Variants in SMG6 observed in about 807,000 individuals in gnomAD.
The protein encoded by SMG6 is telomerase-binding protein EST1A.
A neutral mutation model predicts 142.2 loss-of-function variants in SMG6; 66 were observed. That is an observed-to-expected ratio of 0.46 (90% CI 0.38 to 0.57). SMG6 has a LOEUF of 0.57. Among genes scored for constraint, SMG6 ranks in the 20% least tolerant of loss-of-function variants. The probability of loss-of-function intolerance (pLI) is 0.00; values close to 1 mark genes in which losing one functional copy is unlikely to be tolerated. For synonymous variants in SMG6, 779 were observed against 702.4 expected (o/e 1.11, Z -1.72); for missense variants, 1,793 against 1,832.0 (o/e 0.98, Z 0.39).
rs761629610 is a variant in SMG6 at position 2,299,987 on chromosome 17, T to G, written c.766A>C (p.Thr256Pro). The change falls in exon 2 of 19, where the codon ACG (threonine) becomes CCG (proline). Residue 256 changes from threonine (T) to proline (P), a missense_variant. Physicochemically the swap from Thr to Pro is conservative, Grantham distance 38. This residue lies in a region of SMG6 where 1,597 missense variants were observed against 1,584.6 expected (regional missense o/e 1.01). Transcript: ENST00000263073. This position sits in a 1 kb window ranked among gnomAD's most constrained non-coding sequence, Gnocchi z 4.3. ...CTGCCAGCTGAGCTGGTGCTGCGCG[T>G]GCGGTAGCGATTCCTTCGTTTGTCT... Reference protein sequence around the residue: ...RSDKRRNRYRTRSTSSAGSNN... With the variant: ...RSDKRRNRYRPRSTSSAGSNN... The G allele has an allele frequency of 1.2e-6, 2 of 1,613,988 alleles. No individual in the cohort carries two copies. The highest frequency in any genetic ancestry group is 1.7e-6 in the Non-Finnish European group (2 of 1,180,020).
chr17:2,093,519 T>C (rs2068779261), intron 13 of SMG6, among the ~76,000 whole-genome samples: 1 of 152,156 alleles, frequency 6.6e-6, no homozygotes, highest in Non-Finnish European at 1.5e-5. Flanking sequence ...GGCATTTTTT[T>C]TTCCTCTTAT....
intron 15 of SMG6, among the ~76,000 whole-genome samples, chr17:2,070,380 G>A (rs145258485): frequency 7.3e-4 from 111 of 152,234 alleles, no homozygotes; most frequent in Middle Eastern, 6.8e-3. Context: ...CAAACCTGGC[G>A]GGGCCAGGAG....
chr17:2,238,065 G>T (rs2073711030), intron 9 of SMG6, among the ~76,000 whole-genome samples: 1 of 152,150 alleles, frequency 6.6e-6, no homozygotes, highest in South Asian at 2.1e-4. Flanking sequence ...GGTGCTTCTA[G>T]CTTCACCCAT....
chr17:2,089,184 C>T (rs900884498), intron 13 of SMG6, among the ~76,000 whole-genome samples: 1 of 152,206 alleles, frequency 6.6e-6, no homozygotes, highest in Non-Finnish European at 1.5e-5. Context: ...TTTTTCCACT[C>T]TATATCAATG....
In SMG6 at chr17:2,292,829, G is replaced by A. The variant is rs773555707; in HGVS notation, c.2258+42C>T. On this transcript the variant is annotated intron_variant, in intron 5 of 18. Transcript: ENST00000263073. The stretch of plus-strand genomic sequence containing the variant: ...TGCTCTTAGTAAGGCTTAGCTTAGA[G>A]CCACATAGGGAAGAGAAATAACGAA... 3.8e-6 allele frequency: 6 copies of A among 1,559,566 alleles called. No individual in the cohort carries two copies. In the South Asian group the frequency reaches 6.7e-5, roughly 17 times the overall value.
At chr17:2,216,908 T>A (rs1438954648) in intron 10 of SMG6, among the ~76,000 whole-genome samples, 2 of 151,572 alleles carry the variant, frequency 1.3e-5, no homozygotes, top group Non-Finnish European at 2.9e-5. Context: ...TGTCAAAATG[T>A]CAAAAAAAAA....
intron 13 of SMG6, among the ~76,000 whole-genome samples, chr17:2,159,558 G>A (rs558616317): frequency 6.6e-6 from 1 of 152,118 alleles, no homozygotes; most frequent in Non-Finnish European, 1.5e-5. Flanking sequence ...CAACTAGAAC[G>A]CTCACATATT....
chr17:2,206,474 G>A (rs1249476256), intron 10 of SMG6, among the ~76,000 whole-genome samples: 3 of 151,990 alleles, frequency 2.0e-5, no homozygotes, highest in Admixed American at 6.6e-5. Context: ...AGCTACTCAC[G>A]AGGCTGAGGT....
intron 15 of SMG6, among the ~76,000 whole-genome samples, chr17:2,081,138 C>T (rs116948701): frequency 3.9e-5 from 6 of 152,242 alleles, no homozygotes; most frequent in South Asian, 2.1e-4. Flanking sequence ...CCTATGCACA[C>T]GGTTCACCTT....
intron 10 of SMG6, among the ~76,000 whole-genome samples, chr17:2,210,286 C>CT (rs772849830): frequency 0.018 from 2,408 of 137,266 alleles, 56 homozygotes; most frequent in African/African-American, 0.051. Flanking sequence ...CTTTTCTTTT[C>CT]TTTTTTTTTT....
chr17:2,300,785 C>G, intron 1 of SMG6, 121 bp from the exon 2 acceptor site: 2 of 867,424 alleles, frequency 2.3e-6, no homozygotes, highest in Non-Finnish European at 3.4e-6. Context: ...AATTACATAT[C>G]CAAATGCTAA....
At chr17:2,132,877 G>A (rs2070169258) in intron 13 of SMG6, among the ~76,000 whole-genome samples, 1 of 152,186 alleles carries the variant, frequency 6.6e-6, no homozygotes, top group Non-Finnish European at 1.5e-5. Context: ...CGACCTCCCA[G>A]GCTCAAGCAA....
intron 13 of SMG6, among the ~76,000 whole-genome samples, chr17:2,138,011 C>T (rs755004390): frequency 1.3e-5 from 2 of 152,172 alleles, no homozygotes; most frequent in South Asian, 2.1e-4. Context: ...AGCTCACAAT[C>T]GAATTGTCCA....
intron 13 of SMG6, among the ~76,000 whole-genome samples, chr17:2,094,519 G>A (rs547569260): frequency 1.4e-4 from 22 of 152,276 alleles, no homozygotes; most frequent in African/African-American, 4.8e-4. Flanking sequence ...GATTACAGGC[G>A]TGAGCCACTT....
chr17:2,266,133 C>T (rs2074418662), intron 8 of SMG6: 22 of 985,302 alleles, frequency 2.2e-5, no homozygotes, highest in Non-Finnish European at 2.4e-5. Context: ...ACAATTATTG[C>T]TGTTAACATC....
chr17:2,297,167 T>A, intron 4 of SMG6, 76 bp downstream of exon 4: 3 of 1,020,238 alleles, frequency 2.9e-6, no homozygotes, highest in Non-Finnish European at 4.4e-6. Flanking sequence ...CAGTACAGTG[T>A]CTAGCACATA....
chr17:2,100,285 G>T (rs542161091), intron 13 of SMG6, among the ~76,000 whole-genome samples: 1 of 152,064 alleles, frequency 6.6e-6, no homozygotes, highest in South Asian at 2.1e-4. Context: ...TGACTCGCCC[G>T]CCTCGGCCTT....
intron 8 of SMG6, among the ~76,000 whole-genome samples, chr17:2,256,508 T>A (rs977838025): frequency 2.0e-5 from 3 of 152,094 alleles, no homozygotes; most frequent in African/African-American, 4.8e-5. Flanking sequence ...ACGCCTGTAA[T>A]CCCAGCACCT....
intron 15 of SMG6, among the ~76,000 whole-genome samples, chr17:2,080,395 G>A (rs184832623): frequency 6.3e-4 from 95 of 151,930 alleles, no homozygotes; most frequent in African/African-American, 2.1e-3. Flanking sequence ...TCCAGCCTGG[G>A]CAACACAGCG....
Sources: allele counts gnomAD v4.1 joint callset (sites outside exome capture counted in the v4.1 genomes callset), GRCh38; gene constraint gnomAD v4.1.1; regional missense constraint gnomAD v4.1.1; non-coding constraint Gnocchi (gnomAD v3.1); transcripts MANE v1.5; gene names NCBI Gene and HGNC (gene_info 2026-07-23, HGNC 2026-07-21).